UBA6: variants seen among roughly 807,000 people sequenced by gnomAD.
The protein encoded by UBA6 is ubiquitin like modifier activating enzyme 6.
In UBA6, 87 loss-of-function variants were observed where a neutral mutation model predicts 148.3. The ratio of observed to expected loss-of-function variants is 0.59; its 90% CI spans 0.49 to 0.70. The LOEUF (loss-of-function observed/expected upper bound fraction) is 0.70. Among genes scored for constraint, UBA6 ranks in the 30% least tolerant of loss-of-function variants. The pLI is 0.00. For missense variants in UBA6, 1,186 were observed against 1,241.2 expected (o/e 0.96, Z 0.67); for synonymous variants, 376 against 401.0 (o/e 0.94, Z 0.75).
At position 67,694,564 on chromosome 4, in the gene UBA6, A is replaced by AT. The variant is rs1370937403; in HGVS notation, c.134+2080dup. On this transcript the variant is annotated intron_variant, in intron 2 of 32. Transcript: ENST00000322244. ...CCGCCACCGCCACCACACCCGGCTA[A>AT]TTTTTTGTATTTTTAGTAGAGACGG... 3.6e-5 allele frequency among the ~76,000 whole-genome samples: 5 copies of AT among 138,252 alleles called. No individual in the cohort carries two copies. The East Asian group carries it at 8.1e-4, about 22-fold the overall frequency. 90.7% of individuals were successfully genotyped at this position (138,252 alleles called of 152,430 possible). A position where few individuals can be genotyped will look rare whatever the true frequency, so the allele number is the denominator to read the frequency against.
chr4:67,612,848 T>G lies in UBA6; in HGVS notation c.*6149A>C, dbSNP rs1485380181. ...AGGAAGGCAGCAGGGAGCTGATAAGTTGGTGAATAATTACCATGCCAATAA... is the reference window on the plus strand; with the variant it reads ...AGGAAGGCAGCAGGGAGCTGATAAGGTGGTGAATAATTACCATGCCAATAA... On this transcript the variant is annotated 3_prime_UTR_variant, in exon 33 of 33. Transcript: ENST00000322244. 2.0e-5 allele frequency: 3 copies of G among 152,236 alleles called. No individual in the cohort carries two copies. The highest frequency in any genetic ancestry group is 4.1e-4 in the South Asian group (2 of 4,834). 9.4% of individuals were successfully genotyped at this position (152,236 alleles called of 1,614,324 possible).
chr4:67,663,684 AT>A lies in UBA6; in HGVS notation c.960+200del, dbSNP rs369329408. 6.4e-3 allele frequency: 3,260 copies of A among 511,216 alleles called. 26 individuals are homozygous for A. Among genetic ancestry groups the A allele is most frequent in the Non-Finnish European group, 9.2e-3 (2,659 of 288,346 alleles). The allele number at this position is 511,216 out of a possible 1,614,324, so 31.7% of individuals were successfully genotyped here. The stretch of plus-strand genomic sequence containing the variant: ...TGAAACTTTTTCCTATTACTTTATC[AT>A]TTTTTTCTATGAGACAAATTCACAT... On this transcript the variant is annotated intron_variant, in intron 11 of 32. Transcript: ENST00000322244.
chr4:67,678,570 G>T, intron 4 of UBA6, 37 bp from the exon 5 acceptor site: 2 of 1,242,816 alleles, frequency 1.6e-6, no homozygotes, highest in Non-Finnish European at 2.3e-6. Flanking sequence ...GAAGTCAGGA[G>T]TTCAAGGATA....
At position 67,615,930 on chromosome 4, in the gene UBA6, T is replaced by G. The variant is rs1215835598; in HGVS notation, c.*3067A>C. The G allele has an allele frequency of 2.9e-6, 1 of 340,374 alleles. No individual in the cohort carries two copies. Among genetic ancestry groups the G allele is most frequent in the African/African-American group, 2.1e-5 (1 of 47,622 alleles). The allele number at this position is 340,374 out of a possible 1,614,324, so 21.1% of individuals were successfully genotyped here. A position where few individuals can be genotyped will look rare whatever the true frequency, so the allele number is the denominator to read the frequency against. On this transcript the variant is annotated 3_prime_UTR_variant, in exon 33 of 33. Coordinates refer to ENST00000322244, the MANE Select transcript of UBA6 (RefSeq NM_018227.6). ...GTTGTGACTGGGAAGGAACTACATG[T>G]GTAATTTCTGAACTGCTGTCAATAT... is the stretch of plus-strand genomic sequence containing the variant.
intron 17 of UBA6, among the ~76,000 whole-genome samples, chr4:67,643,924 T>C (rs892000098): frequency 6.6e-6 from 1 of 152,064 alleles, no homozygotes; most frequent in African/African-American, 2.4e-5. Flanking sequence ...ACACAAGTAA[T>C]AGTGGTTTGT....
intron 2 of UBA6, 49 bp downstream of exon 2, chr4:67,696,596 G>C (rs1730845721): frequency 6.9e-7 from 1 of 1,450,390 alleles, no homozygotes; most frequent in South Asian, 1.2e-5. Context: ...TTGATTATTT[G>C]AGAACAATTA....
In UBA6 at chr4:67,615,789, G is replaced by A; in HGVS notation, c.*3208C>T. The A allele has an allele frequency of 4.7e-6, 1 of 212,056 alleles. No homozygotes were observed. The highest frequency in any genetic ancestry group is 1.0e-4 in the East Asian group (1 of 10,046). 13.1% of individuals were successfully genotyped at this position (212,056 alleles called of 1,614,324 possible). A position where few individuals can be genotyped will look rare whatever the true frequency, so the allele number is the denominator to read the frequency against. The stretch of plus-strand genomic sequence containing the variant: ...GATTTTAAATAAAACTCAAAAACAA[G>A]CAAACTGTATTGTTTAAGTTTACAC... On this transcript the variant is annotated 3_prime_UTR_variant, in exon 33 of 33. Coordinates refer to ENST00000322244, the MANE Select transcript of UBA6 (RefSeq NM_018227.6).
At chr4:67,689,511 C>T (rs1730646546) in intron 2 of UBA6, among the ~76,000 whole-genome samples, 1 of 152,016 alleles carries the variant, frequency 6.6e-6, no homozygotes, top group East Asian at 1.9e-4. Context: ...GCCCCAATTC[C>T]TGAGAAAAGA....
At chr4:67,622,781 A>G in intron 32 of UBA6, 50 bp downstream of exon 32, 1 of 1,320,556 alleles carries the variant, frequency 7.6e-7, no homozygotes, top group South Asian at 1.3e-5. Flanking sequence ...GTGTGCATCA[A>G]CTTACATTTA....
At chr4:67,661,127 GC>G (rs1403737779) in intron 13 of UBA6, among the ~76,000 whole-genome samples, 1 of 152,170 alleles carries the variant, frequency 6.6e-6, no homozygotes, top group African/African-American at 2.4e-5. Context: ...GAAGGGACTT[GC>G]CTTGCTCAGA....
At chr4:67,656,675 C>G (rs181813821) in intron 13 of UBA6, among the ~76,000 whole-genome samples, 2 of 152,166 alleles carry the variant, frequency 1.3e-5, no homozygotes, top group Non-Finnish European at 1.5e-5. Context: ...TGGAAGTTCT[C>G]GCCAGGGCAA....
intron 2 of UBA6, among the ~76,000 whole-genome samples, chr4:67,695,726 A>AT (rs1482683663): frequency 1.3e-5 from 2 of 152,154 alleles, no homozygotes; most frequent in African/African-American, 4.8e-5. Flanking sequence ...CTTCTAAACC[A>AT]TATTTTATAA....
chr4:67,700,923 C>A, intron 1 of UBA6, 126 bp downstream of exon 1: 1 of 1,200,974 alleles, frequency 8.3e-7, no homozygotes, highest in Non-Finnish European at 1.2e-6. Context: ...CCTCGCCTCC[C>A]AGGGCCGGCT....
intron 29 of UBA6, 100 bp from the exon 30 acceptor site, chr4:67,624,353 G>T: frequency 8.7e-7 from 1 of 1,150,926 alleles, no homozygotes; most frequent in Non-Finnish European, 1.2e-6. Context: ...ATTTCTCTGT[G>T]GATAGTAAAA....
chr4:67,618,851 G>T lies in UBA6; in HGVS notation c.*146C>A. ...CCAAAATGTTTTATAATTCTTCAGT[G>T]CAGTTTCTTACTGATGTTTCCCTTA... is the stretch of plus-strand genomic sequence containing the variant. On this transcript the variant is annotated 3_prime_UTR_variant, in exon 33 of 33. Transcript: ENST00000322244. 2 of 764,718 alleles carry T rather than the reference G, an allele frequency of 2.6e-6. No homozygotes were observed. Among genetic ancestry groups the T allele is most frequent in the Non-Finnish European group, 4.1e-6 (2 of 487,626 alleles). The allele number at this position is 764,718 out of a possible 1,614,324, so 47.4% of individuals were successfully genotyped here.
rs1382350929 is a variant in UBA6, at chr4:67,636,965, G to A, written c.1737-1407C>T. Among the ~76,000 whole-genome samples the A allele has an allele frequency of 9.9e-4, 150 of 151,554 alleles. 1 individual carries two copies. The highest frequency in any genetic ancestry group is 3.4e-3 in the Middle Eastern group (1 of 294). On this transcript the variant is annotated intron_variant, in intron 19 of 32. Coordinates refer to ENST00000322244, the MANE Select transcript of UBA6 (RefSeq NM_018227.6). The stretch of plus-strand genomic sequence containing the variant: ...AAGTGAGGAGTGTCTCTGCCCAGCA[G>A]CCCATTGTCTGAGATGTGGGGAGCG...
At chr4:67,636,110 T>C (rs1178435372) in intron 19 of UBA6, among the ~76,000 whole-genome samples, 1 of 152,236 alleles carries the variant, frequency 6.6e-6, no homozygotes, top group African/African-American at 2.4e-5. Flanking sequence ...AACACATTTA[T>C]AGTCATTCAT....
intron 29 of UBA6, 115 bp downstream of exon 29, chr4:67,624,879 C>T: frequency 1.3e-6 from 1 of 782,338 alleles, no homozygotes; most frequent in Non-Finnish European, 1.9e-6. Flanking sequence ...ATTATGAGAT[C>T]CAATATTTAT....
intron 27 of UBA6, among the ~76,000 whole-genome samples, chr4:67,628,034 G>A (rs183721487): frequency 4.0e-5 from 6 of 148,476 alleles, no homozygotes; most frequent in African/African-American, 1.2e-4. Flanking sequence ...CACCCAAGCA[G>A]CTAAATTCTG....
Sources: allele counts gnomAD v4.1 joint callset (sites outside exome capture counted in the v4.1 genomes callset), GRCh38; gene constraint gnomAD v4.1.1; transcripts MANE v1.5; gene names NCBI Gene and HGNC (gene_info 2026-07-23, HGNC 2026-07-21).